The following SCN1A variants were observed in gnomAD, a reference collection of about 807,000 sequenced individuals.
SCN1A encodes sodium voltage-gated channel alpha subunit 1.
A neutral mutation model predicts 193.7 loss-of-function variants in SCN1A; 13 were observed. The observed-to-expected ratio is 0.07, with a 90% confidence interval of 0.04 to 0.11. The LOEUF (loss-of-function observed/expected upper bound fraction) is 0.11, where lower values mean the gene tolerates loss of function less well. Among genes scored for constraint, SCN1A ranks in the 10% least tolerant of loss-of-function variants. The probability of loss-of-function intolerance (pLI) is 1.00; values close to 1 mark genes in which losing one functional copy is unlikely to be tolerated. For missense variants in SCN1A, 1,432 were observed against 2,451.1 expected (o/e 0.58, Z 8.78); for synonymous variants, 781 against 843.6 (o/e 0.93, Z 1.29).
At chr2:166,058,478 A>G in intron 5 of SCN1A, 92 bp downstream of exon 5, 1 of 743,972 alleles carries the variant, frequency 1.3e-6, no homozygotes, top group Non-Finnish European at 2.4e-6. Context: ...ACTATATAAT[A>G]TGGACATTTC....
intron 1 of SCN1A, among the ~76,000 whole-genome samples, chr2:166,142,376 A>G (rs968116934): frequency 6.6e-6 from 1 of 152,208 alleles, no homozygotes; most frequent in African/African-American, 2.4e-5. Context: ...CTCAATTTAG[A>G]CAAAGTAAGT....
At chr2:166,044,295 C>T (rs1697532855) in intron 13 of SCN1A, among the ~76,000 whole-genome samples, 1 of 152,062 alleles carries the variant, frequency 6.6e-6, no homozygotes, top group African/African-American at 2.4e-5. Context: ...TATTGAAACA[C>T]ACACACACAC....
intron 2 of SCN1A, among the ~76,000 whole-genome samples, chr2:166,122,008 A>T (rs1318565662): frequency 1.3e-5 from 2 of 152,228 alleles, no homozygotes; most frequent in African/African-American, 4.8e-5. Flanking sequence ...AGACATCAGC[A>T]AGCCAAGGAG....
intron 23 of SCN1A, among the ~76,000 whole-genome samples, chr2:166,006,140 C>A (rs529810500): frequency 6.6e-6 from 1 of 151,280 alleles, no homozygotes; most frequent in Non-Finnish European, 1.5e-5. Flanking sequence ...AATTCTAGTG[C>A]TTCTCTAATA....
intron 22 of SCN1A, among the ~76,000 whole-genome samples, chr2:166,011,695 T>C (rs1055947808): frequency 2.6e-5 from 4 of 151,072 alleles, no homozygotes; most frequent in African/African-American, 9.7e-5. Flanking sequence ...ACTGTACAAG[T>C]TGGGGGTCAA....
At chr2:166,045,354 A>G (rs1697694170) in intron 12 of SCN1A, 27 bp from the exon 13 acceptor site, 1 of 1,612,258 alleles carries the variant, frequency 6.2e-7, no homozygotes, top group East Asian at 2.2e-5. Context: ...TGATTTTAAC[A>G]TAGCACCTGA....
At chr2:165,994,586 A>T (rs1689754197) in intron 27 of SCN1A, among the ~76,000 whole-genome samples, 170 bp from the exon 28 acceptor site, 1 of 151,940 alleles carries the variant, frequency 6.6e-6, no homozygotes, top group Non-Finnish European at 1.5e-5. Context: ...AGTTATTTAA[A>T]TTGCCATTTA....
intron 4 of SCN1A, among the ~76,000 whole-genome samples, chr2:166,062,682 T>G (rs560745182): frequency 1.5e-4 from 23 of 152,244 alleles, no homozygotes; most frequent in African/African-American, 5.5e-4. Context: ...AGGGAAGAGT[T>G]CAAAGACTAG....
intron 23 of SCN1A, among the ~76,000 whole-genome samples, chr2:166,004,866 C>T (rs1197918552): frequency 1.1e-4 from 16 of 151,402 alleles, no homozygotes; most frequent in Admixed American, 6.6e-5. Context: ...CTAACTTTGT[C>T]CCCCAGTTTA....
chr2:166,143,957 G>C (rs995171034), intron 1 of SCN1A, among the ~76,000 whole-genome samples: 1 of 152,146 alleles, frequency 6.6e-6, no homozygotes, highest in East Asian at 1.9e-4. Flanking sequence ...ATTTGATCTT[G>C]GGAACAATTT....
chr2:166,068,512 T>C (rs982815133), intron 4 of SCN1A, among the ~76,000 whole-genome samples: 4 of 152,212 alleles, frequency 2.6e-5, no homozygotes, highest in Non-Finnish European at 4.4e-5. Context: ...CACTGGGGAC[T>C]GCCCATATGA....
intron 19 of SCN1A, among the ~76,000 whole-genome samples, chr2:166,024,381 T>G (rs902474267): frequency 7.2e-5 from 11 of 152,240 alleles, no homozygotes; most frequent in African/African-American, 2.7e-4. Context: ...ATATGAAATA[T>G]TCAATTACTC....
At position 166,112,669 on chromosome 2, in the gene SCN1A, T is replaced by A. The variant is rs1053178220; in HGVS notation, c.-142+14255A>T. 2.6e-5 allele frequency among the ~76,000 whole-genome samples: 4 copies of A among 152,186 alleles called. 1 individual carries two copies. The South Asian group carries it at 8.3e-4, about 31-fold the overall frequency. ...CTTATATTTGGCCTTAGTTCCATTTTCTGACATAAGAGCTTCTATAATCTT... is the reference window on the plus strand; with the variant it reads ...CTTATATTTGGCCTTAGTTCCATTTACTGACATAAGAGCTTCTATAATCTT... On this transcript the variant is annotated intron_variant, in intron 2 of 28. Coordinates refer to ENST00000674923, the MANE Select transcript of SCN1A (RefSeq NM_001165963.4).
At chr2:166,107,373 T>C (rs1451205055) in intron 2 of SCN1A, among the ~76,000 whole-genome samples, 5 of 152,146 alleles carry the variant, frequency 3.3e-5, no homozygotes, top group African/African-American at 9.7e-5. Flanking sequence ...AGTCACACAA[T>C]AGTTGCTGAA....
At chr2:166,042,917 A>G (rs1278655957) in intron 14 of SCN1A, among the ~76,000 whole-genome samples, 1 of 152,196 alleles carries the variant, frequency 6.6e-6, no homozygotes, top group Non-Finnish European at 1.5e-5. Flanking sequence ...GTTAAAAAGA[A>G]CACACACATG....
intron 1 of SCN1A, among the ~76,000 whole-genome samples, chr2:166,143,209 C>G (rs1692166819): frequency 6.8e-6 from 1 of 146,266 alleles, no homozygotes; most frequent in African/African-American, 2.5e-5. Context: ...CTCTGTCGCC[C>G]AGGCTGGAGT....
intron 2 of SCN1A, among the ~76,000 whole-genome samples, chr2:166,085,168 C>T (rs1685974892): frequency 1.3e-5 from 2 of 152,158 alleles, no homozygotes. Flanking sequence ...GGTGTTCCAG[C>T]ACAACAATGG....
At chr2:166,044,253 A>G (rs949527226) in intron 13 of SCN1A, among the ~76,000 whole-genome samples, 1 of 152,098 alleles carries the variant, frequency 6.6e-6, no homozygotes, top group Non-Finnish European at 1.5e-5. Flanking sequence ...CCTTGGGATT[A>G]AAGAATGAGG....
rs141938262 is a variant in SCN1A, at chr2:166,144,874, C to T, written c.-50+4173G>A. On this transcript the variant is annotated intron_variant, in intron 1 of 26. Coordinates refer to the SCN1A transcript ENST00000635750. ...CATGGTTTTTTTTTTTTTTTTGAGA[C>T]AGAGTCTCACTCTGTCGCCCAGGCT... 6.1e-3 allele frequency among the ~76,000 whole-genome samples: 893 copies of T among 145,734 alleles called. 8 individuals are homozygous for T. Among genetic ancestry groups the T allele is most frequent in the African/African-American group, 0.022 (864 of 39,514 alleles).
Sources: allele counts gnomAD v4.1 joint callset (sites outside exome capture counted in the v4.1 genomes callset), GRCh38; gene constraint gnomAD v4.1.1; transcripts MANE v1.5; gene names NCBI Gene and HGNC (gene_info 2026-07-23, HGNC 2026-07-21).